The following KTN1 variants were observed in gnomAD, a reference collection of about 807,000 sequenced individuals.
KTN1 encodes the protein kinectin 1.
KTN1 carries 130 observed loss-of-function variants against 222.5 expected under a neutral mutation model. That is an observed-to-expected ratio of 0.58 (90% confidence interval 0.51 to 0.68). The LOEUF is 0.68. Among genes scored for constraint, KTN1 ranks in the 30% least tolerant of loss-of-function variants. KTN1 has a pLI of 0.00. For synonymous variants in KTN1, 512 were observed against 496.3 expected, an observed-to-expected ratio of 1.03 and a Z score of -0.42; for missense variants, 1,508 against 1,500.4, an observed-to-expected ratio of 1.01 and a Z score of -0.08.
At chr14:55,638,760 A>C (rs1951888) in intron 12 of KTN1, among the ~76,000 whole-genome samples, 3,592 of 151,950 alleles carry the variant, frequency 0.024, 124 homozygotes, top group African/African-American at 0.078. Context: ...ATACATAGAG[A>C]ATGCTGTAAG....
At position 55,629,937 on chromosome 14, in the gene KTN1, T is replaced by G. The variant is rs191099694; in HGVS notation, c.1081-20T>G. ...ACTTATTAAATAACAAGTTTTTAAA[T>G]TTCTGGGATATTCTTTTAGGAAATG... On this transcript the variant is annotated intron_variant, in intron 6 of 43. Transcript: ENST00000395314. The G allele has an allele frequency of 2.0e-6, 3 of 1,517,930 alleles. No individual in the cohort carries two copies. In the East Asian group the frequency reaches 6.8e-5, roughly 34 times the overall value. The allele number at this position is 1,517,930 out of a possible 1,614,324, so 94.0% of individuals were successfully genotyped here.
In KTN1 at chr14:55,671,766, A is replaced by G. The variant is rs1273005427; in HGVS notation, c.3439-19A>G. 3.8e-6 allele frequency: 6 copies of G among 1,584,732 alleles called. No individual in the cohort carries two copies. Among genetic ancestry groups the G allele is most frequent in the Non-Finnish European group, 4.3e-6 (5 of 1,154,594 alleles). On this transcript the variant is annotated intron_variant, in intron 36 of 43. Coordinates refer to ENST00000395314, the MANE Select transcript of KTN1 (RefSeq NM_001079521.2). ...ATTAGAACATGAATTTTTCAAAACA[A>G]CTATGCTTTTGTCTGTAGGAAGGAA...
chr14:55,604,830 C>CAA (rs1008723636), intron 1 of KTN1, among the ~76,000 whole-genome samples: 8 of 151,890 alleles, frequency 5.3e-5, no homozygotes, highest in Non-Finnish European at 1.0e-4. Flanking sequence ...AAGGACATGG[C>CAA]AAAGATTTTT....
At chr14:55,628,071 G>C (rs376509371) in intron 6 of KTN1, 43 bp downstream of exon 6, 1 of 1,173,916 alleles carries the variant, frequency 8.5e-7, no homozygotes, top group African/African-American at 1.5e-5. Context: ...TCCCAAATCA[G>C]AAGCAACAAA....
intron 1 of KTN1, among the ~76,000 whole-genome samples, chr14:55,592,401 G>C (rs1009165374): frequency 2.0e-5 from 3 of 152,178 alleles, no homozygotes; most frequent in African/African-American, 7.2e-5. Flanking sequence ...TTCGAGGATT[G>C]CATCTACAAC....
In KTN1 at chr14:55,684,184, C is replaced by T; in HGVS notation, c.*81C>T. 1 of 1,092,702 alleles carries T rather than the reference C, an allele frequency of 9.2e-7. No individual in the cohort carries two copies. The highest frequency in any genetic ancestry group is 2.5e-5 in the East Asian group (1 of 39,646). The allele number at this position is 1,092,702 out of a possible 1,614,324, so 67.7% of individuals were successfully genotyped here. ...CAAATTAAAGCCTTATTTATGTTTTCACCCTTTCTACTTTGTCAGAAACAC... is the reference window on the plus strand; with the variant it reads ...CAAATTAAAGCCTTATTTATGTTTTTACCCTTTCTACTTTGTCAGAAACAC... On this transcript the variant is annotated 3_prime_UTR_variant, in exon 44 of 44. Transcript: ENST00000395314.
Position 55,603,859 on chromosome 14 carries a change from G to A in KTN1, c.-30-8160G>A, listed in dbSNP as rs530016196. Among the ~76,000 whole-genome samples, 6 of 152,244 alleles carry A rather than the reference G, an allele frequency of 3.9e-5. No homozygotes were observed. In the South Asian group the frequency reaches 1.2e-3, roughly 32 times the overall value. ...GGGCAGCTCCTTTGTTTTTGGCCTA[G>A]TCTAAAAGCTTTGGAATTGCCTTTG... On this transcript the variant is annotated intron_variant, in intron 1 of 43. Transcript: ENST00000395314.
Position 55,684,158 on chromosome 14 carries a change from C to A in KTN1, c.*55C>A. On this transcript the variant is annotated 3_prime_UTR_variant, in exon 44 of 44. Transcript: ENST00000395314. ...AAAAAAGGCATTGTATTATATTTTG[C>A]CAAATTAAAGCCTTATTTATGTTTT... is the stretch of plus-strand genomic sequence containing the variant. 5 of 1,435,634 alleles carry A rather than the reference C, an allele frequency of 3.5e-6. No homozygotes were observed. The highest frequency in any genetic ancestry group is 4.8e-6 in the Non-Finnish European group (5 of 1,035,438). 88.9% of individuals were successfully genotyped at this position (1,435,634 alleles called of 1,614,324 possible).
intron 1 of KTN1, among the ~76,000 whole-genome samples, chr14:55,587,229 T>C (rs1342438309): frequency 1.3e-5 from 2 of 152,190 alleles, no homozygotes; most frequent in Non-Finnish European, 2.9e-5. Context: ...TTGCCATCCT[T>C]TATTAGCATG....
In KTN1 at chr14:55,650,343, T is replaced by C. The variant is rs756948606; in HGVS notation, c.2421T>C (p.Asp807=). 1 of 1,599,068 alleles carries C rather than the reference T, an allele frequency of 6.3e-7. No homozygotes were observed. The change falls in exon 23 of 44, where the codon GAT becomes GAC. Residue 807 remains aspartate, a synonymous_variant. Transcript: ENST00000395314. The part of the protein sequence containing the change: ...EELKKVIHEK[D]GKIKSVEELL... Reference sequence around the variant, plus strand: ...TTTATTGAAGGATCCATGAGAAAGATGGAAAGATCAAGTCTGTAGAAGAGC... The same window carrying C: ...TTTATTGAAGGATCCATGAGAAAGACGGAAAGATCAAGTCTGTAGAAGAGC...
chr14:55,635,623 C>T (rs920622552), intron 9 of KTN1, among the ~76,000 whole-genome samples: 9 of 152,174 alleles, frequency 5.9e-5, no homozygotes, highest in Non-Finnish European at 1.3e-4. Flanking sequence ...GGAGCAGATT[C>T]ATTTATCTCA....
rs1296125110 is a variant in KTN1, at chr14:55,637,831, C to G, written c.1769C>G (p.Ser590Cys). 3.7e-6 allele frequency: 6 copies of G among 1,610,556 alleles called. No homozygotes were observed. Among genetic ancestry groups the G allele is most frequent in the Middle Eastern group, 1.7e-4 (1 of 6,052 alleles). The change falls in exon 12 of 44, where the codon TCC becomes TGC. Residue 590 changes from serine (S) to cysteine (C), a missense_variant. Physicochemically the swap from Ser to Cys is moderately radical, Grantham distance 112. Coordinates refer to ENST00000395314, the MANE Select transcript of KTN1 (RefSeq NM_001079521.2). ...ALKAQIQQFHSQIAAQTSASV... is the reference protein window; with the variant it reads ...ALKAQIQQFHCQIAAQTSASV... ...AAAGCTCAAATTCAGCAGTTCCATT[C>G]CCAGATAGCAGCCCAGGTAATGATG...
In KTN1 at chr14:55,639,197, G is replaced by A. The variant is rs753218221; in HGVS notation, c.1798G>A (p.Val600Ile). The change falls in exon 13 of 44, where the codon GTT (valine) becomes ATT (isoleucine). Residue 600 changes from valine to isoleucine, a missense_variant. Transcript: ENST00000395314. The part of the protein sequence containing the change: ...SQIAAQTSAS[V>I]LAEELHKVIA... ...TTTTCTTTCTTAGACCTCCGCTTCA[G>A]TTCTAGCAGAAGAATTACATAAAGT... The A allele has an allele frequency of 1.9e-6, 3 of 1,604,888 alleles. No individual in the cohort carries two copies. Among genetic ancestry groups the A allele is most frequent in the South Asian group, 2.2e-5 (2 of 90,712 alleles).
At chr14:55,636,150 G>C (rs1241413111) in intron 9 of KTN1, among the ~76,000 whole-genome samples, 1 of 152,210 alleles carries the variant, frequency 6.6e-6, no homozygotes. Context: ...TTATTGCTAA[G>C]TGGATCAGAT....
chr14:55,601,082 A>G (rs1374685709), intron 1 of KTN1, among the ~76,000 whole-genome samples: 1 of 152,202 alleles, frequency 6.6e-6, no homozygotes, highest in Non-Finnish European at 1.5e-5. Context: ...CTATTCTCAT[A>G]TTAAAGGGAA....
chr14:55,627,940 T>C lies in KTN1; in HGVS notation c.992T>C (p.Ile331Thr). ...AGTAAGGGAGAATTGACTACGCTTA[T>C]ACATCAGCTTCAAGAAAAGGACAAG... is the stretch of plus-strand genomic sequence containing the variant. Reference protein sequence around the residue: ...KSSKGELTTLIHQLQEKDKLL... With the variant: ...KSSKGELTTLTHQLQEKDKLL... The change falls in exon 6 of 44, where the codon ATA becomes ACA. Residue 331 changes from isoleucine to threonine, a missense_variant. Ile to Thr is a moderately conservative substitution (Grantham distance 89, BLOSUM62 -1). Coordinates refer to ENST00000395314, the MANE Select transcript of KTN1 (RefSeq NM_001079521.2). The C allele has an allele frequency of 6.2e-7, 1 of 1,612,760 alleles. No individual in the cohort carries two copies. Among genetic ancestry groups the C allele is most frequent in the Non-Finnish European group, 8.5e-7 (1 of 1,178,784 alleles).
chr14:55,635,969 T>C (rs1307972055), intron 9 of KTN1, among the ~76,000 whole-genome samples: 2 of 152,208 alleles, frequency 1.3e-5, no homozygotes, highest in Non-Finnish European at 2.9e-5. Context: ...GGAAGTCTGT[T>C]CTCTGTGGAT....
Position 55,652,797 on chromosome 14 carries a change from T to C in KTN1, c.2604-53T>C. 4 of 1,338,936 alleles carry C rather than the reference T, an allele frequency of 3.0e-6. No individual in the cohort carries two copies. The South Asian group carries it at 5.2e-5, about 17-fold the overall frequency. The allele number at this position is 1,338,936 out of a possible 1,614,324, so 82.9% of individuals were successfully genotyped here. On this transcript the variant is annotated intron_variant, in intron 25 of 43. Transcript: ENST00000395314. ...TTTTTTCAGTGTCTAAGATTTTTGC[T>C]TTTTATGGTCATGTAACATTTTCAT...
At chr14:55,617,635 C>G (rs192548952) in intron 3 of KTN1, among the ~76,000 whole-genome samples, 1 of 151,968 alleles carries the variant, frequency 6.6e-6, no homozygotes, top group Non-Finnish European at 1.5e-5. Context: ...TCCTTGAGCA[C>G]TAATTAAGTG....
Sources: allele counts gnomAD v4.1 joint callset (sites outside exome capture counted in the v4.1 genomes callset), GRCh38; gene constraint gnomAD v4.1.1; transcripts MANE v1.5; gene names NCBI Gene and HGNC (gene_info 2026-07-23, HGNC 2026-07-21).